The following TMEM132B variants were observed in gnomAD, a reference collection of about 807,000 sequenced individuals.
TMEM132B encodes the protein transmembrane protein 132B.
TMEM132B carries 18 observed loss-of-function variants against 90.8 expected under a neutral mutation model. The observed-to-expected ratio is 0.20, with a 90% CI of 0.14 to 0.29. The LOEUF is 0.29. TMEM132B is among the 10% of genes least tolerant of loss of function. The pLI, the probability that TMEM132B is intolerant of heterozygous loss-of-function variation, is 1.00. For synonymous variants in TMEM132B, 504 were observed against 523.3 expected (o/e 0.96, Z 0.50); for missense variants, 1,096 against 1,326.8 (o/e 0.83, Z 2.70).
At chr12:125,390,030 A>T (rs917439306) in intron 2 of TMEM132B, among the ~76,000 whole-genome samples, 1 of 152,164 alleles carries the variant, frequency 6.6e-6, no homozygotes, top group Non-Finnish European at 1.5e-5. Context: ...TAAGCTCCAT[A>T]TGCTCCTTCC....
At chr12:125,564,966 A>G (rs1884626392) in intron 4 of TMEM132B, among the ~76,000 whole-genome samples, 1 of 152,168 alleles carries the variant, frequency 6.6e-6, no homozygotes, top group African/African-American at 2.4e-5. Flanking sequence ...GTTTTCCATG[A>G]AAAACTGAGG....
At chr12:125,421,538 C>T (rs1880168007) in intron 3 of TMEM132B, among the ~76,000 whole-genome samples, 1 of 152,224 alleles carries the variant, frequency 6.6e-6, no homozygotes, top group Non-Finnish European at 1.5e-5. Context: ...GGGTCCCTCT[C>T]ACAACACATG....
At chr12:125,412,295 C>T (rs1566028039) in intron 2 of TMEM132B, among the ~76,000 whole-genome samples, 1 of 152,126 alleles carries the variant, frequency 6.6e-6, no homozygotes, top group South Asian at 2.1e-4. Flanking sequence ...AAGAACCCTC[C>T]GTGGGTACGT....
chr12:125,573,250 C>T (rs1185960703), intron 4 of TMEM132B, among the ~76,000 whole-genome samples: 1 of 152,166 alleles, frequency 6.6e-6, no homozygotes, highest in Non-Finnish European at 1.5e-5. Flanking sequence ...TACACACCTA[C>T]GTTATACATA....
intron 3 of TMEM132B, among the ~76,000 whole-genome samples, chr12:125,420,106 C>T (rs1880128143): frequency 6.6e-6 from 1 of 152,248 alleles, no homozygotes; most frequent in African/African-American, 2.4e-5. Flanking sequence ...TTTCCAGGCA[C>T]ACAGTGCAAG....
At chr12:125,366,313 A>T (rs995265256) in intron 2 of TMEM132B, among the ~76,000 whole-genome samples, 15 of 152,150 alleles carry the variant, frequency 9.9e-5, no homozygotes, top group African/African-American at 3.6e-4. Context: ...TATTGTGGCT[A>T]CTGTGAATAG....
intron 3 of TMEM132B, among the ~76,000 whole-genome samples, chr12:125,422,468 C>T (rs1002773337): frequency 2.0e-5 from 3 of 152,228 alleles, no homozygotes; most frequent in Non-Finnish European, 4.4e-5. Flanking sequence ...GTGCCCACAG[C>T]ACCAGCAGGC....
At chr12:125,424,279 G>A (rs1232755105) in intron 3 of TMEM132B, among the ~76,000 whole-genome samples, 3 of 152,162 alleles carry the variant, frequency 2.0e-5, no homozygotes, top group Non-Finnish European at 4.4e-5. Flanking sequence ...GTCAAAATAC[G>A]TGATGCGTTT....
At chr12:125,493,918 C>T (rs1882427877) in intron 3 of TMEM132B, among the ~76,000 whole-genome samples, 1 of 144,582 alleles carries the variant, frequency 6.9e-6, no homozygotes, top group Non-Finnish European at 1.5e-5. Context: ...CCTCCTCCTC[C>T]TCCCTGGAAA....
intron 3 of TMEM132B, among the ~76,000 whole-genome samples, chr12:125,424,961 T>A (rs921314584): frequency 3.3e-5 from 5 of 152,002 alleles, no homozygotes; most frequent in African/African-American, 1.2e-4. Context: ...CAGCCACATA[T>A]CAGGGGTGGG....
intron 1 of TMEM132B, among the ~76,000 whole-genome samples, chr12:125,192,288 G>A (rs1027871475): frequency 1.3e-5 from 2 of 152,214 alleles, no homozygotes; most frequent in African/African-American, 4.8e-5. Context: ...GTGCAAGTGT[G>A]AACCCTGGTG....
chr12:125,328,001 A>T (rs750940859), intron 1 of TMEM132B, among the ~76,000 whole-genome samples: 4 of 152,208 alleles, frequency 2.6e-5, no homozygotes, highest in Non-Finnish European at 4.4e-5. Context: ...GCCAGTCTAC[A>T]AGGACCGTCT....
intron 3 of TMEM132B, among the ~76,000 whole-genome samples, chr12:125,433,802 G>A (rs1880616122): frequency 6.6e-6 from 1 of 151,646 alleles, no homozygotes; most frequent in African/African-American, 2.4e-5. Flanking sequence ...ATGATATTTT[G>A]TATTTTCTAT....
chr12:125,477,462 C>T lies in TMEM132B; in HGVS notation c.1107-41977C>T, dbSNP rs576051332. On this transcript the variant is annotated intron_variant, in intron 3 of 8. Transcript: ENST00000682704. ...AGAGTCCTTTAGCAAAGATAGTTAA[C>T]TATTTCTTCAACAGATTTTGCTTTC... Among the ~76,000 whole-genome samples, 4 of 152,214 alleles carry T rather than the reference C, an allele frequency of 2.6e-5. No individual in the cohort carries two copies. The South Asian group carries it at 8.3e-4, about 32-fold the overall frequency.
At chr12:125,288,706 C>T (rs944652706) in intron 1 of TMEM132B, among the ~76,000 whole-genome samples, 6 of 151,966 alleles carry the variant, frequency 3.9e-5, no homozygotes, top group East Asian at 1.9e-4. Flanking sequence ...GGCTGTTCTG[C>T]GCATCGTGGG....
At position 125,331,822 on chromosome 12, in the gene TMEM132B, C is replaced by T. The variant is rs140760372; in HGVS notation, c.68-17630C>T. 2.4e-4 allele frequency among the ~76,000 whole-genome samples: 37 copies of T among 152,084 alleles called. No individual in the cohort carries two copies. In the East Asian group the frequency reaches 6.0e-3, roughly 25 times the overall value. Reference sequence around the variant, plus strand: ...AGGCTGGAGTGTAGTGGTGTAATCTCAGCTCACTGCAGCCTTGACCTCCCG... The same window carrying T: ...AGGCTGGAGTGTAGTGGTGTAATCTTAGCTCACTGCAGCCTTGACCTCCCG... On this transcript the variant is annotated intron_variant, in intron 1 of 8. Coordinates refer to ENST00000682704, the MANE Select transcript of TMEM132B (RefSeq NM_001366854.1).
rs544920116 is a variant in TMEM132B, at chr12:125,222,055, C to T, written c.67+35189C>T. On this transcript the variant is annotated intron_variant, in intron 1 of 8. Coordinates refer to ENST00000682704, the MANE Select transcript of TMEM132B (RefSeq NM_001366854.1). ...TTGCTGTAGACCCTTGTAAAATCTT[C>T]CCTTTGAGCCTTTGCATAAGAAAAA... 3.9e-5 allele frequency among the ~76,000 whole-genome samples: 6 copies of T among 152,270 alleles called. No individual in the cohort carries two copies. The South Asian group carries it at 1.2e-3, about 32-fold the overall frequency.
rs545949723 is a variant in TMEM132B, at chr12:125,257,206, G to A, written c.67+70340G>A. 5.9e-5 allele frequency among the ~76,000 whole-genome samples: 9 copies of A among 152,214 alleles called. 1 individual carries two copies. The South Asian group carries it at 1.9e-3, about 32-fold the overall frequency. On this transcript the variant is annotated intron_variant, in intron 1 of 8. Coordinates refer to ENST00000682704, the MANE Select transcript of TMEM132B (RefSeq NM_001366854.1). ...CTATAGTCCCAGCTACTTGGGAGGT[G>A]AAGGTGGGAGGATCACTTGAGCCCA...
At chr12:125,602,151 A>T (rs1235151946) in intron 5 of TMEM132B, among the ~76,000 whole-genome samples, 1 of 152,186 alleles carries the variant, frequency 6.6e-6, no homozygotes, top group Non-Finnish European at 1.5e-5. Flanking sequence ...CCTGGCAGAG[A>T]CACAACAATA....
Sources: allele counts gnomAD v4.1 joint callset (sites outside exome capture counted in the v4.1 genomes callset), GRCh38; gene constraint gnomAD v4.1.1; transcripts MANE v1.5; gene names NCBI Gene and HGNC (gene_info 2026-07-23, HGNC 2026-07-21).